The following RNF128 variants were observed in gnomAD, a reference collection of about 807,000 sequenced individuals.
The protein encoded by RNF128 is E3 ubiquitin-protein ligase RNF128.
RNF128 carries 13 observed loss-of-function variants against 26.2 expected under a neutral mutation model. That is an observed-to-expected ratio of 0.50 (90% confidence interval 0.32 to 0.79). The LOEUF is 0.79. RNF128 is among the 30% of genes least tolerant of loss of function. The pLI is 0.03. For synonymous variants in RNF128, 149 were observed against 142.5 expected (o/e 1.05, Z -0.32); for missense variants, 315 against 349.7 (o/e 0.90, Z 0.79).
intron 1 of RNF128, among the ~76,000 whole-genome samples, chrX:106,764,488 G>A (rs1930180392): frequency 9.2e-6 from 1 of 108,724 alleles, no homozygotes; most frequent in Non-Finnish European, 1.9e-5. Flanking sequence ...CCAACATGGT[G>A]AAACCCCGTC....
At chrX:106,722,401 G>A (rs1929329060), upstream of RNF128, among the ~76,000 whole-genome samples, 1 of 111,328 alleles carries the variant, frequency 9.0e-6, no homozygotes, top group African/African-American at 3.3e-5. Flanking sequence ...GTTGGTCTGG[G>A]TGGAACCTGT....
At chrX:106,754,662 A>G (rs1335650419) in intron 1 of RNF128, among the ~76,000 whole-genome samples, 2 of 109,827 alleles carry the variant, frequency 1.8e-5, no homozygotes, top group Admixed American at 9.8e-5. Flanking sequence ...AAATACATGG[A>G]GATAAACAGT....
At chrX:106,793,240 G>A (rs928386576) in intron 6 of RNF128, among the ~76,000 whole-genome samples, 1 of 110,682 alleles carries the variant, frequency 9.0e-6, no homozygotes, top group Non-Finnish European at 1.9e-5. Context: ...TTGAATAAGG[G>A]CCCTACTGTC....
chrX:106,760,234 G>T (rs1459846017), intron 1 of RNF128, among the ~76,000 whole-genome samples: 2 of 111,429 alleles, frequency 1.8e-5, no homozygotes, highest in Non-Finnish European at 3.8e-5. Flanking sequence ...CCTAAAAATA[G>T]CAGATAAAGG....
intron 1 of RNF128, among the ~76,000 whole-genome samples, chrX:106,733,073 A>G (rs1457779971): frequency 9.0e-6 from 1 of 111,565 alleles, no homozygotes; most frequent in Non-Finnish European, 1.9e-5. Flanking sequence ...CCTAAATGAT[A>G]CAGTATAACA....
intron 1 of RNF128, among the ~76,000 whole-genome samples, chrX:106,765,808 C>T (rs1930213317): frequency 9.0e-6 from 1 of 110,812 alleles, no homozygotes; most frequent in Non-Finnish European, 1.9e-5. Context: ...TGTTGGTGTG[C>T]TGCACCCATT....
chrX:106,736,693 G>A (rs751512996), intron 1 of RNF128, among the ~76,000 whole-genome samples: 128 of 111,786 alleles, frequency 1.1e-3, no homozygotes, highest in Non-Finnish European at 2.2e-3. Flanking sequence ...AATTTGATGT[G>A]CCTTTGTTTT....
chrX:106,786,798 G>T (rs903462480), intron 3 of RNF128, among the ~76,000 whole-genome samples: 8 of 110,329 alleles, frequency 7.3e-5, no homozygotes, highest in Non-Finnish European at 1.3e-4. Flanking sequence ...AAGCAAAACA[G>T]ACAATTCACC....
intron 3 of RNF128, among the ~76,000 whole-genome samples, chrX:106,787,674 C>G (rs1168517828): frequency 9.0e-6 from 1 of 111,090 alleles, no homozygotes; most frequent in East Asian, 2.8e-4. Context: ...AAAAATAAAT[C>G]AGTGCTACAT....
At chrX:106,775,661 A>G (rs934035585) in intron 2 of RNF128, among the ~76,000 whole-genome samples, 1 of 111,800 alleles carries the variant, frequency 8.9e-6, no homozygotes, top group South Asian at 3.8e-4. Context: ...AGAGTGCTAG[A>G]ATGTCATTTA....
At chrX:106,716,372 T>C (rs781078979) in intron 1 of RNF128, among the ~76,000 whole-genome samples, 1 of 111,339 alleles carries the variant, frequency 9.0e-6, no homozygotes, top group African/African-American at 3.3e-5. Flanking sequence ...TATATGACAA[T>C]CCAGAAAAGG....
rs769042021 is a variant in RNF128, at chrX:106,727,368, G to A, written c.455G>A (p.Arg152His). The part of the protein sequence containing the change: ...GAVIFNFPGT[R>H]NEVIPMSHPG... ...GTCATCTTTAACTTCCCCGGGACCC[G>A]CAATGAGGTCATCCCCATGTCTCAC... The change falls in exon 1 of 7, where the codon CGC (arginine) becomes CAC (histidine). Residue 152 changes from arginine (R) to histidine (H), a missense_variant. By Grantham distance (29) the Arg-to-His change is conservative. Transcript: ENST00000255499. The A allele has an allele frequency of 8.3e-7, 1 of 1,211,305 alleles. No individual in the cohort carries two copies. Among genetic ancestry groups the A allele is most frequent in the Non-Finnish European group, 1.1e-6 (1 of 895,370 alleles).
At chrX:106,696,173 A>T (rs1443769062) in intron 1 of RNF128, among the ~76,000 whole-genome samples, 1 of 112,115 alleles carries the variant, frequency 8.9e-6, no homozygotes, top group East Asian at 2.8e-4. Context: ...TAGCATAATG[A>T]TCATAACTGT....
chrX:106,788,143 G>T, intron 4 of RNF128, 143 bp downstream of exon 4: 1 of 353,542 alleles, frequency 2.8e-6, no homozygotes, highest in East Asian at 4.8e-5. Flanking sequence ...ATATAGAATG[G>T]TTTATTTTTA....
upstream of RNF128, among the ~76,000 whole-genome samples, chrX:106,724,267 A>G (rs1226379585): frequency 9.0e-6 from 1 of 110,755 alleles, no homozygotes; most frequent in Non-Finnish European, 1.9e-5. Context: ...ACTTCTCTTC[A>G]TGTCCACTAC....
chrX:106,718,730 T>G (rs746562851), intron 1 of RNF128, among the ~76,000 whole-genome samples: 4 of 111,866 alleles, frequency 3.6e-5, no homozygotes, highest in Admixed American at 9.5e-5. Context: ...ATAAAATACC[T>G]TATTGTTGAA....
chrX:106,708,688 G>A (rs1343790912), intron 1 of RNF128, among the ~76,000 whole-genome samples: 2 of 111,772 alleles, frequency 1.8e-5, no homozygotes, highest in Admixed American at 1.9e-4. Context: ...CTTCTTTTTG[G>A]CATCATTTTA....
At chrX:106,746,585 GAAT>G (rs775955378) in intron 1 of RNF128, among the ~76,000 whole-genome samples, 52 of 111,187 alleles carry the variant, frequency 4.7e-4, no homozygotes, top group African/African-American at 1.6e-3. Context: ...TATACGTTGT[GAAT>G]AATAATTTTT....
intron 6 of RNF128, among the ~76,000 whole-genome samples, chrX:106,792,654 G>C (rs770910374): frequency 1.9e-4 from 21 of 110,854 alleles, no homozygotes; most frequent in Non-Finnish European, 3.8e-4. Flanking sequence ...AGAAGTTAGG[G>C]GAGCCCAGTA....
Sources: gnomAD v4.1 joint callset for allele counts (sites outside exome capture counted in the v4.1 genomes callset) on GRCh38, gnomAD v4.1.1 for gene constraint, MANE v1.5 for transcripts, NCBI Gene and HGNC (gene_info 2026-07-23, HGNC 2026-07-21) for gene names.